Variants in EDARADD observed in about 807,000 individuals in gnomAD.
EDARADD encodes the protein EDAR associated via death domain.
A neutral mutation model predicts 25.6 loss-of-function variants in EDARADD; 20 were observed. The ratio of observed to expected loss-of-function variants is 0.78; its 90% CI spans 0.55 to 1.14. The LOEUF (loss-of-function observed/expected upper bound fraction) is 1.14. Ranked by LOEUF, EDARADD falls within the 50% of genes most tolerant of loss-of-function variation. The pLI, the probability that EDARADD is intolerant of heterozygous loss-of-function variation, is 0.00. For synonymous variants in EDARADD, 86 were observed against 94.4 expected, an observed-to-expected ratio of 0.91 and a Z score of 0.52; for missense variants, 225 against 270.1, an observed-to-expected ratio of 0.83 and a Z score of 1.17.
At chr1:236,381,827 A>ATTTTTTTGG (rs1667304817) in intron 3 of EDARADD, among the ~76,000 whole-genome samples, 1 of 2,726 alleles carries the variant, frequency 3.7e-4, no homozygotes, top group Non-Finnish European at 9.8e-4. Flanking sequence ...TTTTTTTTTC[A>ATTTTTTTGG]GAGTTGGATG....
At chr1:236,391,521 T>A (rs1394898927), upstream of EDARADD, among the ~76,000 whole-genome samples, 1 of 152,220 alleles carries the variant, frequency 6.6e-6, no homozygotes, top group Non-Finnish European at 1.5e-5. Context: ...CTTATGTTCC[T>A]AAATTTATAT....
chr1:236,468,474 A>G (rs902775889), intron 5 of EDARADD, among the ~76,000 whole-genome samples, 198 bp downstream of exon 5: 6 of 152,122 alleles, frequency 3.9e-5, no homozygotes, highest in African/African-American at 1.2e-4. Flanking sequence ...AAATACAAAA[A>G]TTAGCTGGTT....
At chr1:236,413,871 A>G (rs573210681) in intron 2 of EDARADD, among the ~76,000 whole-genome samples, 1 of 152,330 alleles carries the variant, frequency 6.6e-6, no homozygotes, top group East Asian at 1.9e-4. Flanking sequence ...CCCAGAACAC[A>G]TGCTTATTGA....
intron 4 of EDARADD, among the ~76,000 whole-genome samples, chr1:236,433,516 G>A (rs1658163354): frequency 6.6e-6 from 1 of 151,318 alleles, no homozygotes; most frequent in Non-Finnish European, 1.5e-5. Context: ...TCACCATGTT[G>A]GCCAGGCTGG....
At chr1:236,401,472 C>T (rs73123226) in intron 1 of EDARADD, among the ~76,000 whole-genome samples, 2,046 of 152,280 alleles carry the variant, frequency 0.013, 44 homozygotes, top group African/African-American at 0.044. Context: ...AGTCCTCGGC[C>T]GCCCCACCAG....
At chr1:236,460,692 G>C (rs750019287) in intron 4 of EDARADD, among the ~76,000 whole-genome samples, 10 of 152,090 alleles carry the variant, frequency 6.6e-5, no homozygotes, top group African/African-American at 9.7e-5. Flanking sequence ...TGGTACTAAC[G>C]TTTAGACATG....
At chr1:236,439,261 T>C (rs1658341752) in intron 4 of EDARADD, among the ~76,000 whole-genome samples, 2 of 152,196 alleles carry the variant, frequency 1.3e-5, no homozygotes, top group South Asian at 4.1e-4. Flanking sequence ...TACTGAAGGA[T>C]GTCTTGGTTG....
At chr1:236,464,230 C>T (rs1659119435) in intron 4 of EDARADD, among the ~76,000 whole-genome samples, 1 of 151,042 alleles carries the variant, frequency 6.6e-6, no homozygotes, top group Admixed American at 6.7e-5. Flanking sequence ...GTGCTCAGAG[C>T]CCATCACCTT....
chr1:236,367,765 T>C (rs1217830332), intron 3 of EDARADD, among the ~76,000 whole-genome samples: 2 of 152,202 alleles, frequency 1.3e-5, no homozygotes, highest in South Asian at 2.1e-4. Flanking sequence ...ACTGTTGATA[T>C]ACATTTCATA....
intron 3 of EDARADD, among the ~76,000 whole-genome samples, chr1:236,367,446 C>G (rs1160721397): frequency 6.6e-6 from 1 of 152,108 alleles, no homozygotes; most frequent in African/African-American, 2.4e-5. Flanking sequence ...CCAGGCTGGT[C>G]TCAAACTCCT....
intron 4 of EDARADD, among the ~76,000 whole-genome samples, chr1:236,461,021 C>T (rs549049018): frequency 4.6e-5 from 7 of 152,170 alleles, no homozygotes; most frequent in Non-Finnish European, 1.0e-4. Flanking sequence ...GGGGTTTCAT[C>T]GTGTTGGCCA....
chr1:236,415,668 C>T (rs1657616820), intron 3 of EDARADD, among the ~76,000 whole-genome samples: 1 of 152,172 alleles, frequency 6.6e-6, no homozygotes, highest in Non-Finnish European at 1.5e-5. Context: ...TGGTCTTGAA[C>T]TCCTGACCTC....
intron 5 of EDARADD, among the ~76,000 whole-genome samples, chr1:236,468,912 C>CT (rs979889672): frequency 3.9e-5 from 6 of 152,082 alleles, no homozygotes; most frequent in African/African-American, 1.4e-4. Context: ...GGAGAACATG[C>CT]TGTTTGTTGC....
chr1:236,471,902 C>T (rs1378851265), intron 5 of EDARADD, among the ~76,000 whole-genome samples: 1 of 152,116 alleles, frequency 6.6e-6, no homozygotes, highest in African/African-American at 2.4e-5. Context: ...CTAATCATGA[C>T]GTTTGTGAAT....
chr1:236,421,242 A>G (rs940455669), intron 3 of EDARADD, among the ~76,000 whole-genome samples: 2 of 146,964 alleles, frequency 1.4e-5, no homozygotes. Flanking sequence ...GAGCAGAGCA[A>G]ACAACAAGGG....
chr1:236,411,573 A>G (rs1209907892), intron 2 of EDARADD, among the ~76,000 whole-genome samples: 2 of 127,840 alleles, frequency 1.6e-5, no homozygotes, highest in Non-Finnish European at 3.2e-5. Flanking sequence ...ATGGGGTTTC[A>G]CTCTTGTCGC....
chr1:236,363,774 T>C (rs1275003181), intron 3 of EDARADD, among the ~76,000 whole-genome samples: 1 of 152,082 alleles, frequency 6.6e-6, no homozygotes, highest in East Asian at 1.9e-4. Flanking sequence ...GCCACGGTTG[T>C]TTCCTGAGGC....
Position 236,484,116 on chromosome 1 carries a change from G to A in EDARADD, c.*1467G>A, listed in dbSNP as rs1377450727. On this transcript the variant is annotated 3_prime_UTR_variant, in exon 6 of 6. Transcript: ENST00000334232. The surrounding 1 kb of genome is among the most constrained non-coding windows in gnomAD (Gnocchi z 4.1). Reference sequence around the variant, plus strand: ...CAGTGCAGGAATCCAGGTAGTGGAGGATGATCTCAGAGTGACCAACCCAAA... The same window carrying A: ...CAGTGCAGGAATCCAGGTAGTGGAGAATGATCTCAGAGTGACCAACCCAAA... The A allele has an allele frequency of 1.9e-6, 3 of 1,549,972 alleles. No individual in the cohort carries two copies. Among genetic ancestry groups the A allele is most frequent in the Non-Finnish European group, 1.8e-6 (2 of 1,122,868 alleles).
intron 4 of EDARADD, among the ~76,000 whole-genome samples, chr1:236,462,025 A>T (rs983358371): frequency 6.6e-6 from 1 of 152,178 alleles, no homozygotes; most frequent in Non-Finnish European, 1.5e-5. Flanking sequence ...TACAAAATAG[A>T]CAGGGTTTCT....
Sources: allele counts gnomAD v4.1 joint callset (sites outside exome capture counted in the v4.1 genomes callset), GRCh38; gene constraint gnomAD v4.1.1; non-coding constraint Gnocchi (gnomAD v3.1); transcripts MANE v1.5; gene names NCBI Gene and HGNC (gene_info 2026-07-23, HGNC 2026-07-21).